AGMAT: variants seen among roughly 807,000 people sequenced by gnomAD.
The protein encoded by AGMAT is guanidino acid hydrolase, mitochondrial.
In AGMAT, 37 loss-of-function variants were observed where a neutral mutation model predicts 29.3. The ratio of observed to expected loss-of-function variants is 1.26; its 90% CI spans 0.97 to 1.66. The LOEUF is 1.66. AGMAT is among the 40% of genes most tolerant of loss of function. AGMAT has a pLI of 0.00. For missense variants in AGMAT, 498 were observed against 497.8 expected (o/e 1.00, Z 0.00); for synonymous variants, 199 against 200.8 (o/e 0.99, Z 0.08).
chr1:15,581,209 A>G (rs1460097783), intron 2 of AGMAT, among the ~76,000 whole-genome samples: 2 of 152,072 alleles, frequency 1.3e-5, no homozygotes, highest in African/African-American at 4.8e-5. Flanking sequence ...TTAGCTGGGC[A>G]TGGTGACAAA....
chr1:15,580,599 G>A (rs992916722), intron 2 of AGMAT, among the ~76,000 whole-genome samples: 3 of 152,160 alleles, frequency 2.0e-5, no homozygotes, highest in Non-Finnish European at 4.4e-5. Flanking sequence ...TGCTGAATGA[G>A]CCTGGGAGGT....
At position 15,584,765 on chromosome 1, in the gene AGMAT, G is replaced by C. The variant is rs1007693688; in HGVS notation, c.203C>G (p.Pro68Arg). 2.2e-6 allele frequency: 3 copies of C among 1,365,926 alleles called. No homozygotes were observed. Among genetic ancestry groups the C allele is most frequent in the Non-Finnish European group, 2.8e-6 (3 of 1,055,754 alleles). The allele number at this position is 1,365,926 out of a possible 1,614,324, so 84.6% of individuals were successfully genotyped here. The change falls in exon 1 of 7, where the codon CCC (proline) becomes CGC (arginine). Residue 68 changes from proline (P) to arginine (R), a missense_variant. Pro to Arg is a moderately radical substitution (Grantham distance 103). Transcript: ENST00000375826. ...SMMRLPVQTS[P>R]EGLDAAFIGV... is the part of the protein sequence containing the mutation. Reference sequence around the variant, plus strand: ...GATGAAGGCAGCGTCCAGCCCCTCGGGGGAGGTCTGCACCGGCAGGCGCAT... The same window carrying C: ...GATGAAGGCAGCGTCCAGCCCCTCGCGGGAGGTCTGCACCGGCAGGCGCAT...
At chr1:15,577,655 C>A (rs769066289) in intron 5 of AGMAT, 30 bp downstream of exon 5, 12 of 1,589,326 alleles carry the variant, frequency 7.6e-6, no homozygotes, top group Admixed American at 5.1e-5. Flanking sequence ...GTCTCCACCC[C>A]CAGGATCTTC....
At position 15,583,403 on chromosome 1, in the gene AGMAT, AG is replaced by A; in HGVS notation, c.273-9del. On this transcript the variant is annotated splice_polypyrimidine_tract_variant and intron_variant, in intron 1 of 6. Transcript: ENST00000375826. Reference sequence around the variant, plus strand: ...ATGCGGCGAGGTCCGAATCTGCAGAAGGAAGAATCATCCTGTCAGCCATCAT... The same window carrying A: ...ATGCGGCGAGGTCCGAATCTGCAGAAGAAGAATCATCCTGTCAGCCATCAT... The A allele has an allele frequency of 1.2e-6, 2 of 1,607,606 alleles. No individual in the cohort carries two copies. The highest frequency in any genetic ancestry group is 1.7e-6 in the Non-Finnish European group (2 of 1,177,136).
At chr1:15,576,760 T>TTTTTTTTTTTTTTTTTTTTTTTC (rs1639045518) in intron 5 of AGMAT, among the ~76,000 whole-genome samples, 1 of 87,624 alleles carries the variant, frequency 1.1e-5, no homozygotes, top group Non-Finnish European at 2.3e-5. Context: ...TTTTTTTTTT[T>TTTTTTTTTTTTTTTTTTTTTTTC]TTTTTTTGAG....
At position 15,573,322 on chromosome 1, in the gene AGMAT, GT is replaced by G. The variant is rs1253074576; in HGVS notation, c.*328del. Reference sequence around the variant, plus strand: ...AATGCTTATACAGTATTATTTCATAGTTTTTTTAAATGTCATGTTTCTAATG... The same window carrying G: ...AATGCTTATACAGTATTATTTCATAGTTTTTTAAATGTCATGTTTCTAATG... On this transcript the variant is annotated 3_prime_UTR_variant, in exon 7 of 7. Coordinates refer to ENST00000375826, the MANE Select transcript of AGMAT (RefSeq NM_024758.5). The G allele has an allele frequency of 8.3e-6, 2 of 241,154 alleles. No individual in the cohort carries two copies. The highest frequency in any genetic ancestry group is 4.4e-5 in the African/African-American group (2 of 45,066). The allele number at this position is 241,154 out of a possible 1,614,324, so 14.9% of individuals were successfully genotyped here.
At chr1:15,579,677 T>A (rs1047333888) in intron 3 of AGMAT, among the ~76,000 whole-genome samples, 21 of 152,178 alleles carry the variant, frequency 1.4e-4, no homozygotes, top group African/African-American at 4.8e-4. Context: ...ATCAGTCTTT[T>A]GATTGAGAAA....
chr1:15,582,214 C>T lies in AGMAT; in HGVS notation c.475+979G>A, dbSNP rs925158048. ...CCGGGAGGCGGAGGTTGCAGTGAGCCGAGATCGTGCCATTGCACTCCAGCC... is the reference window on the plus strand; with the variant it reads ...CCGGGAGGCGGAGGTTGCAGTGAGCTGAGATCGTGCCATTGCACTCCAGCC... On this transcript the variant is annotated intron_variant, in intron 2 of 6. Coordinates refer to ENST00000375826, the MANE Select transcript of AGMAT (RefSeq NM_024758.5). Among the ~76,000 whole-genome samples the T allele has an allele frequency of 3.3e-5, 5 of 151,084 alleles. No homozygotes were observed. In the East Asian group the frequency reaches 7.8e-4, roughly 24 times the overall value.
intron 5 of AGMAT, chr1:15,575,280 G>T: frequency 6.3e-6 from 1 of 158,330 alleles, no homozygotes; most frequent in East Asian, 1.8e-4. Context: ...CAGAGTAAGT[G>T]AGGGAGACTG....
Position 15,579,050 on chromosome 1 carries a change from C to G in AGMAT, c.529G>C (p.Gly177Arg), listed in dbSNP as rs1570941949. 3 of 1,613,650 alleles carry G rather than the reference C, an allele frequency of 1.9e-6. No homozygotes were observed. The East Asian group carries it at 6.7e-5, about 36-fold the overall frequency. Residue 177 changes from glycine to arginine, a missense_variant, in exon 4 of 7, where the codon GGC (glycine) becomes CGC (arginine). Coordinates refer to ENST00000375826, the MANE Select transcript of AGMAT (RefSeq NM_024758.5). The part of the protein sequence containing the change: ...PILQAMAKKH[G>R]PVGLLHVDAH... Reference sequence around the variant, plus strand: ...TCCACGTGCAGCAGCCCCACTGGGCCATGCCTGATGACAACAGGGCAGCTC... The same window carrying G: ...TCCACGTGCAGCAGCCCCACTGGGCGATGCCTGATGACAACAGGGCAGCTC...
At chr1:15,582,125 C>T (rs1034070326) in intron 2 of AGMAT, among the ~76,000 whole-genome samples, 33 of 150,868 alleles carry the variant, frequency 2.2e-4, no homozygotes, top group Non-Finnish European at 4.0e-4. Flanking sequence ...AAAAATTAGC[C>T]GGGCATGCTG....
intron 5 of AGMAT, chr1:15,575,624 T>G (rs1639026783): frequency 6.6e-6 from 1 of 152,242 alleles, no homozygotes; most frequent in Non-Finnish European, 1.5e-5. Flanking sequence ...TCATAACCAT[T>G]CTGCCCCCGT....
At chr1:15,578,283 G>A (rs979233448) in intron 4 of AGMAT, among the ~76,000 whole-genome samples, 6 of 151,804 alleles carry the variant, frequency 4.0e-5, no homozygotes, top group South Asian at 2.1e-4. Flanking sequence ...TCTTGGGTCC[G>A]GACTTCCTCC....
rs1639059791 is a variant in AGMAT at position 15,577,801 on chromosome 1, C to A, written c.784G>T (p.Val262Phe). Residue 262 changes from valine to phenylalanine, a missense_variant, in exon 5 of 7, where the codon GTC becomes TTC. Transcript: ENST00000375826. ...GGTTTGCCTCCCATCTGCTGCCTGACTTCCCCCATCAGAGGAACCAGCGAC... is the reference window on the plus strand; with the variant it reads ...GGTTTGCCTCCCATCTGCTGCCTGAATTCCCCCATCAGAGGAACCAGCGAC... The part of the protein sequence containing the change: ...MKSLVPLMGE[V>F]RQQMGGKPIY... 1 of 1,614,204 alleles carries A rather than the reference C, an allele frequency of 6.2e-7. No homozygotes were observed. The highest frequency in any genetic ancestry group is 1.3e-5 in the African/African-American group (1 of 75,066).
chr1:15,580,683 A>C (rs901225621), intron 2 of AGMAT, among the ~76,000 whole-genome samples: 10 of 151,878 alleles, frequency 6.6e-5, no homozygotes, highest in African/African-American at 9.7e-5. Flanking sequence ...ATCTCAAAAA[A>C]ATGAATAGCT....
At chr1:15,574,181 G>A (rs1408475248) in intron 6 of AGMAT, among the ~76,000 whole-genome samples, 10 of 152,090 alleles carry the variant, frequency 6.6e-5, no homozygotes, top group African/African-American at 2.4e-4. Flanking sequence ...GACGGGGATT[G>A]GGCCACCCTG....
At position 15,577,680 on chromosome 1, in the gene AGMAT, C is replaced by A; in HGVS notation, c.900+5G>T. On this transcript the variant is annotated splice_donor_5th_base_variant and intron_variant, in intron 5 of 6. Transcript: ENST00000375826. ...CCAGGATCTTCACTGGTGGAATCTC[C>A]TTACCTGACTAGGAGTGAGACCAGC... 1.9e-6 allele frequency: 3 copies of A among 1,610,578 alleles called. No individual in the cohort carries two copies. The highest frequency in any genetic ancestry group is 2.5e-6 in the Non-Finnish European group (3 of 1,177,312).
rs774166603 is a variant in AGMAT, at chr1:15,573,718, G to GT, written c.991dup (p.Thr331AsnfsTer7). 75 of 1,614,130 alleles carry GT rather than the reference G, an allele frequency of 4.6e-5. No homozygotes were observed. The highest frequency in any genetic ancestry group is 6.4e-5 in the Non-Finnish European group (75 of 1,180,008). On this transcript the variant is annotated frameshift_variant, in exon 7 of 7. Coordinates refer to ENST00000375826, the MANE Select transcript of AGMAT (RefSeq NM_024758.5). LOFTEE classifies it high-confidence loss of function. ...CAGCAGGTTAGCCGCCAGCAGGGCT[G>GT]TGTTCCCTAAGAAAAAGTAAAACCT... is the stretch of plus-strand genomic sequence containing the variant.
At chr1:15,576,171 C>G (rs889879870) in intron 5 of AGMAT, 3 of 152,292 alleles carry the variant, frequency 2.0e-5, no homozygotes, top group Non-Finnish European at 2.9e-5. Flanking sequence ...ATCATGATCT[C>G]GGCTCACCAC....
Sources: allele counts gnomAD v4.1 joint callset (sites outside exome capture counted in the v4.1 genomes callset), GRCh38; gene constraint gnomAD v4.1.1; transcripts MANE v1.5; gene names NCBI Gene and HGNC (gene_info 2026-07-23, HGNC 2026-07-21).